SIPA1L3: variants seen among roughly 807,000 people sequenced by gnomAD.
SIPA1L3 encodes the protein signal induced proliferation associated 1 like 3, also known as signal-induced proliferation-associated 1-like protein 3.
Under a neutral mutation model 150.1 loss-of-function variants are expected in SIPA1L3, and 59 were observed. The ratio of observed to expected loss-of-function variants is 0.39; its 90% CI spans 0.32 to 0.49. The LOEUF (loss-of-function observed/expected upper bound fraction) is 0.49. SIPA1L3 is among the 20% of genes least tolerant of loss of function. SIPA1L3 has a pLI of 0.86. For missense variants in SIPA1L3, 2,211 were observed against 2,489.5 expected, an observed-to-expected ratio of 0.89 and a Z score of 2.38; for synonymous variants, 1,070 against 1,077.6, an observed-to-expected ratio of 0.99 and a Z score of 0.14.
At chr19:37,919,675 A>G (rs1419367288) in intron 1 of SIPA1L3, among the ~76,000 whole-genome samples, 1 of 150,536 alleles carries the variant, frequency 6.6e-6, no homozygotes, top group Non-Finnish European at 1.5e-5. Context: ...GAGCCCCACA[A>G]CAGATCCCAG....
intron 2 of SIPA1L3, among the ~76,000 whole-genome samples, chr19:38,031,196 A>G (rs1236863877): frequency 6.6e-6 from 1 of 152,142 alleles, no homozygotes; most frequent in Non-Finnish European, 1.5e-5. Flanking sequence ...TCACATGTCT[A>G]CCCTACATCC....
chr19:37,978,602 C>T (rs1967129673), intron 1 of SIPA1L3, among the ~76,000 whole-genome samples: 1 of 152,124 alleles, frequency 6.6e-6, no homozygotes, highest in Admixed American at 6.5e-5. Context: ...CCTTCTATAC[C>T]ATGCACAGCC....
At chr19:38,053,917 A>G (rs1412328834) in intron 2 of SIPA1L3, among the ~76,000 whole-genome samples, 1 of 150,232 alleles carries the variant, frequency 6.7e-6, no homozygotes, top group Non-Finnish European at 1.5e-5. Context: ...GGTTTTTGCC[A>G]TCGAAAGCAA....
In SIPA1L3 at chr19:38,119,753, C is replaced by T. The variant is rs370172497; in HGVS notation, c.2739C>T (p.Cys913=). The change falls in exon 9 of 22, where the codon TGC becomes TGT. Residue 913 remains cysteine, a synonymous_variant. Transcript: ENST00000222345. ...RTKEVVFNCY[C]GDVIGWTPDS... The stretch of plus-strand genomic sequence containing the variant: ...AGGAGGTGGTGTTCAACTGCTACTG[C>T]GGGGATGTCATTGGCTGGACTCCAG... 8 of 1,613,858 alleles carry T rather than the reference C, an allele frequency of 5.0e-6. No individual in the cohort carries two copies. In the Admixed American group the frequency reaches 5.0e-5, roughly 10 times the overall value.
intron 3 of SIPA1L3, among the ~76,000 whole-genome samples, chr19:38,084,056 T>C (rs962460563): frequency 2.0e-5 from 3 of 147,130 alleles, no homozygotes; most frequent in Non-Finnish European, 3.0e-5. Flanking sequence ...TTAAACAACA[T>C]AGAAGGGACT....
chr19:37,990,065 A>G (rs897102109), intron 1 of SIPA1L3, among the ~76,000 whole-genome samples: 1 of 151,732 alleles, frequency 6.6e-6, no homozygotes, highest in Non-Finnish European at 1.5e-5. Context: ...GGAGTGGGGG[A>G]GGGGAGGCTC....
chr19:37,995,076 G>T (rs1967603138), intron 1 of SIPA1L3, among the ~76,000 whole-genome samples: 1 of 152,182 alleles, frequency 6.6e-6, no homozygotes, highest in Admixed American at 6.6e-5. Flanking sequence ...AGGAGTAGGG[G>T]AAAGGTTTCC....
At chr19:38,162,493 T>C (rs4427930) in intron 14 of SIPA1L3, 122 bp downstream of exon 14, 1 of 736,630 alleles carries the variant, frequency 1.4e-6, no homozygotes, top group South Asian at 1.7e-5. Context: ...AGGGGTTGAA[T>C]ACTTGGTCTG....
chr19:38,195,792 G>GC (rs1972909893), intron 18 of SIPA1L3, among the ~76,000 whole-genome samples: 4 of 22,786 alleles, frequency 1.8e-4, no homozygotes, highest in Admixed American at 3.9e-4. Context: ...CACAGGCCCC[G>GC]TCCCCCCCCG....
At chr19:38,129,037 C>T (rs1971246722) in intron 9 of SIPA1L3, among the ~76,000 whole-genome samples, 1 of 152,168 alleles carries the variant, frequency 6.6e-6, no homozygotes, top group Non-Finnish European at 1.5e-5. Context: ...GTTATCTTTC[C>T]ATAACGCAGT....
At position 38,188,651 on chromosome 19, in the gene SIPA1L3, G is replaced by T. The variant is rs188175692; in HGVS notation, c.4431-3494G>T. 2.4e-4 allele frequency among the ~76,000 whole-genome samples: 36 copies of T among 152,242 alleles called. 1 individual carries two copies. The East Asian group carries it at 6.8e-3, about 29-fold the overall frequency. On this transcript the variant is annotated intron_variant, in intron 16 of 21. Transcript: ENST00000222345. ...GAAAGTAAGCCTCTCGGCCAGGCGC[G>T]GTGGCGCATGCCTGTAATCCCAGCA...
chr19:38,071,199 TTTTA>T, intron 2 of SIPA1L3, among the ~76,000 whole-genome samples: 1 of 140,490 alleles, frequency 7.1e-6, no homozygotes, highest in Non-Finnish European at 1.6e-5. Flanking sequence ...AGTTATGTTG[TTTTA>T]TCTATCTATC....
intron 1 of SIPA1L3, among the ~76,000 whole-genome samples, chr19:38,016,600 C>A (rs1968237612): frequency 6.6e-6 from 1 of 152,178 alleles, no homozygotes; most frequent in African/African-American, 2.4e-5. Flanking sequence ...TCAAGCAATT[C>A]TCCTGCCTCA....
Position 38,172,961 on chromosome 19 carries a change from G to A in SIPA1L3, c.4208+8055G>A, listed in dbSNP as rs546643431. 8.7e-4 allele frequency among the ~76,000 whole-genome samples: 133 copies of A among 152,204 alleles called. 1 individual carries two copies. The highest frequency in any genetic ancestry group is 1.4e-3 in the Admixed American group (22 of 15,282). On this transcript the variant is annotated intron_variant, in intron 15 of 21. Transcript: ENST00000222345. ...CCCATGTCTACAAAAAATTAGCTGG[G>A]TGTGGTGGCACACGCATGTTGTCCC... is the stretch of plus-strand genomic sequence containing the variant.
At chr19:38,040,852 C>T (rs1968901910) in intron 2 of SIPA1L3, among the ~76,000 whole-genome samples, 1 of 152,204 alleles carries the variant, frequency 6.6e-6, no homozygotes, top group Non-Finnish European at 1.5e-5. Flanking sequence ...GCTCCGCCTC[C>T]TGGGTTCACG....
chr19:37,942,076 T>A (rs1313753201), intron 1 of SIPA1L3, among the ~76,000 whole-genome samples: 1 of 152,208 alleles, frequency 6.6e-6, no homozygotes, highest in Non-Finnish European at 1.5e-5. Context: ...TGTGCAGTGA[T>A]GTGCAAACTC....
At chr19:37,932,107 G>A (rs2046559500) in intron 1 of SIPA1L3, among the ~76,000 whole-genome samples, 1 of 152,226 alleles carries the variant, frequency 6.6e-6, no homozygotes, top group East Asian at 1.9e-4. Context: ...TTGCCTCTGT[G>A]AGCTAGTGCC....
chr19:37,934,710 T>G (rs2046585487), intron 1 of SIPA1L3, among the ~76,000 whole-genome samples: 1 of 140,726 alleles, frequency 7.1e-6, no homozygotes, highest in South Asian at 2.6e-4. Flanking sequence ...CCCGCAATCC[T>G]TCACCCATGG....
intron 1 of SIPA1L3, among the ~76,000 whole-genome samples, chr19:38,017,084 AC>A (rs1482557471): frequency 6.7e-6 from 1 of 150,128 alleles, no homozygotes; most frequent in Non-Finnish European, 1.5e-5. Flanking sequence ...TTTGATAGAG[AC>A]GGGGTTTCAC....
Sources: gnomAD v4.1 joint callset for allele counts (sites outside exome capture counted in the v4.1 genomes callset) on GRCh38, gnomAD v4.1.1 for gene constraint, MANE v1.5 for transcripts, NCBI Gene and HGNC (gene_info 2026-07-23, HGNC 2026-07-21) for gene names.